Variants in PDZD2 observed in about 807,000 individuals in gnomAD.
PDZD2 encodes the protein PDZ domain containing 2, also known as PDZ domain-containing protein 2.
PDZD2 carries 90 observed loss-of-function variants against 220.7 expected under a neutral mutation model. The observed-to-expected ratio is 0.41, with a 90% confidence interval of 0.34 to 0.49. PDZD2 has a LOEUF of 0.49. Among genes scored for constraint, PDZD2 ranks in the 20% least tolerant of loss-of-function variants. The pLI is 0.28. For missense variants in PDZD2, 3,174 were observed against 3,608.5 expected (o/e 0.88, Z 3.08); for synonymous variants, 1,375 against 1,450.5 (o/e 0.95, Z 1.18).
At chr5:31,965,668 G>A (rs890319629) in intron 2 of PDZD2, among the ~76,000 whole-genome samples, 3 of 152,146 alleles carry the variant, frequency 2.0e-5, no homozygotes, top group Non-Finnish European at 2.9e-5. Flanking sequence ...GCCAGGGCAC[G>A]TGGATCACCT....
At chr5:31,966,060 C>T (rs1263132957) in intron 2 of PDZD2, among the ~76,000 whole-genome samples, 1 of 152,204 alleles carries the variant, frequency 6.6e-6, no homozygotes, top group Non-Finnish European at 1.5e-5. Context: ...ATCCCAAGGT[C>T]ATGGTAAGGG....
At chr5:32,015,677 G>C (rs1223756299) in intron 6 of PDZD2, among the ~76,000 whole-genome samples, 1 of 152,176 alleles carries the variant, frequency 6.6e-6, no homozygotes, top group African/African-American at 2.4e-5. Flanking sequence ...CCTTTCTCAA[G>C]TGTAAATAAT....
chr5:31,669,379 G>A (rs1746124290), intron 1 of PDZD2, among the ~76,000 whole-genome samples: 1 of 146,720 alleles, frequency 6.8e-6, no homozygotes, highest in African/African-American at 2.5e-5. Flanking sequence ...TCCAGCCTGG[G>A]TGACAGAGTG....
chr5:31,929,679 G>A (rs1438219931), intron 2 of PDZD2, among the ~76,000 whole-genome samples: 4 of 152,088 alleles, frequency 2.6e-5, no homozygotes, highest in Non-Finnish European at 4.4e-5. Flanking sequence ...GTGAAACCCC[G>A]TCTCTACAGA....
At chr5:31,693,764 A>G (rs1454566899) in intron 1 of PDZD2, among the ~76,000 whole-genome samples, 2 of 152,132 alleles carry the variant, frequency 1.3e-5, no homozygotes, top group African/African-American at 4.8e-5. Flanking sequence ...ATATGTAGTT[A>G]ATGAAGGGAC....
At chr5:32,006,002 C>A (rs1039971768) in intron 5 of PDZD2, among the ~76,000 whole-genome samples, 5 of 151,972 alleles carry the variant, frequency 3.3e-5, no homozygotes, top group Non-Finnish European at 4.4e-5. Context: ...CAAAAATTAG[C>A]CAGGCATGGT....
intron 6 of PDZD2, among the ~76,000 whole-genome samples, chr5:32,034,822 G>C (rs1408188933): frequency 1.3e-5 from 2 of 152,172 alleles, no homozygotes. Flanking sequence ...CCAGAGCTCA[G>C]GATGTCTCAG....
In PDZD2 at chr5:31,799,690, C is replaced by A. The variant is rs1165279588; in HGVS notation, c.442C>A (p.Gln148Lys). Residue 148 changes from glutamine to lysine, a missense_variant, in exon 2 of 25, where the codon CAG becomes AAG. This residue lies in a region of PDZD2 where 632 missense variants were observed against 708.1 expected (regional missense o/e 0.89). Transcript: ENST00000438447. ...LRDEILSLNGQLMVGVDVSGA... is the reference protein window; with the variant it reads ...LRDEILSLNGKLMVGVDVSGA... ...GGATGAGATCCTCTCACTGAATGGGCAGCTGATGGTTGGAGTTGATGTCAG... is the reference window on the plus strand; with the variant it reads ...GGATGAGATCCTCTCACTGAATGGGAAGCTGATGGTTGGAGTTGATGTCAG... The A allele has an allele frequency of 6.2e-7, 1 of 1,613,710 alleles. No homozygotes were observed. The highest frequency in any genetic ancestry group is 1.3e-5 in the African/African-American group (1 of 75,024).
chr5:32,080,619 T>G (rs574174064), intron 19 of PDZD2, among the ~76,000 whole-genome samples: 1 of 152,338 alleles, frequency 6.6e-6, no homozygotes, highest in South Asian at 2.1e-4. Context: ...TGCAGTACAT[T>G]CTTTCCTTTC....
intron 1 of PDZD2, among the ~76,000 whole-genome samples, chr5:31,682,065 T>G (rs1746672339): frequency 6.6e-6 from 1 of 152,134 alleles, no homozygotes; most frequent in Non-Finnish European, 1.5e-5. Flanking sequence ...TAGATATAAT[T>G]ATATGATTGG....
intron 2 of PDZD2, among the ~76,000 whole-genome samples, chr5:31,902,943 T>G (rs1742234294): frequency 6.6e-6 from 1 of 151,878 alleles, no homozygotes; most frequent in South Asian, 2.1e-4. Flanking sequence ...CCAGCACCAT[T>G]TATGAAAAAG....
At chr5:31,660,221 A>G (rs1745706887) in intron 1 of PDZD2, among the ~76,000 whole-genome samples, 1 of 152,228 alleles carries the variant, frequency 6.6e-6, no homozygotes, top group South Asian at 2.1e-4. Context: ...TGATTCATAG[A>G]TTAAATAAAT....
intron 2 of PDZD2, among the ~76,000 whole-genome samples, chr5:31,893,009 T>C (rs1275711489): frequency 1.3e-5 from 2 of 152,188 alleles, no homozygotes; most frequent in African/African-American, 4.8e-5. Flanking sequence ...AAGGGAGGGT[T>C]TTCCTAGAGG....
Position 32,039,016 on chromosome 5 carries a change from C to T in PDZD2, c.1519+1674C>T, listed in dbSNP as rs116638537. Among the ~76,000 whole-genome samples the T allele has an allele frequency of 3.4e-3, 517 of 152,244 alleles. 3 individuals are homozygous for T. The highest frequency in any genetic ancestry group is 0.012 in the African/African-American group (486 of 41,550). On this transcript the variant is annotated intron_variant, in intron 7 of 24. Transcript: ENST00000438447. ...CCCAGATTGGTGGAGAGGGCATGCC[C>T]GCACTGCTCCAAGTTTATTCTCAGA...
intron 2 of PDZD2, among the ~76,000 whole-genome samples, chr5:31,895,687 A>T (rs965354429): frequency 6.6e-6 from 1 of 151,980 alleles, no homozygotes; most frequent in Non-Finnish European, 1.5e-5. Flanking sequence ...ACATATTGTA[A>T]ATCCCCTTCC....
chr5:31,896,837 G>A (rs1741615626), intron 2 of PDZD2, among the ~76,000 whole-genome samples: 1 of 152,166 alleles, frequency 6.6e-6, no homozygotes, highest in South Asian at 2.1e-4. Context: ...TGCACCTGTG[G>A]TTCCAGCTAC....
chr5:31,737,418 C>T (rs1046106110), intron 1 of PDZD2, among the ~76,000 whole-genome samples: 1 of 152,042 alleles, frequency 6.6e-6, no homozygotes, highest in African/African-American at 2.4e-5. Flanking sequence ...GTGATCCGCC[C>T]GCCTTGGCCT....
At chr5:31,756,170 T>C (rs947255004) in intron 1 of PDZD2, among the ~76,000 whole-genome samples, 5 of 152,096 alleles carry the variant, frequency 3.3e-5, no homozygotes, top group African/African-American at 1.2e-4. Flanking sequence ...CCCCGGCCCC[T>C]CCAGGACCCG....
chr5:31,657,415 C>T (rs1158365124), intron 1 of PDZD2: 3 of 152,210 alleles, frequency 2.0e-5, no homozygotes, highest in Admixed American at 2.0e-4. Flanking sequence ...CTTTATCCTG[C>T]TCCTGTTCAA....
Sources: allele counts gnomAD v4.1 joint callset (sites outside exome capture counted in the v4.1 genomes callset), GRCh38; gene constraint gnomAD v4.1.1; regional missense constraint gnomAD v4.1.1; transcripts MANE v1.5; gene names NCBI Gene and HGNC (gene_info 2026-07-23, HGNC 2026-07-21).